The following RBMS3 variants were observed in gnomAD, a reference collection of about 807,000 sequenced individuals.
RBMS3 encodes RNA binding motif single stranded interacting protein 3.
In RBMS3, 27 loss-of-function variants were observed where a neutral mutation model predicts 66.8. That is an observed-to-expected ratio of 0.40 (90% CI 0.30 to 0.56). The LOEUF is 0.56. Among genes scored for constraint, RBMS3 ranks in the 20% least tolerant of loss-of-function variants. The probability of loss-of-function intolerance (pLI) is 0.40; values close to 1 mark genes in which losing one functional copy is unlikely to be tolerated. For synonymous variants in RBMS3, 188 were observed against 183.0 expected, an observed-to-expected ratio of 1.03 and a Z score of -0.22; for missense variants, 513 against 549.5, an observed-to-expected ratio of 0.93 and a Z score of 0.66.
intron 1 of RBMS3, among the ~76,000 whole-genome samples, chr3:29,360,708 T>C (rs546271276): frequency 3.9e-5 from 6 of 152,216 alleles, no homozygotes; most frequent in Non-Finnish European, 7.3e-5. Context: ...CTCTAAGGAC[T>C]TGCTTTATGA....
At chr3:30,003,816 C>G (rs1559882554) in intron 14 of RBMS3, 40 bp from the exon 15 acceptor site, 2 of 1,369,368 alleles carry the variant, frequency 1.5e-6, no homozygotes, top group Non-Finnish European at 1.9e-6. Flanking sequence ...TTCAAAGTTA[C>G]TTTAATTTAA....
rs1048377666 is a variant in RBMS3, at chr3:29,995,335, A to C, written c.1307+4126A>C. ...GGAGAATGGAACCAAGTTGGAAAAC[A>C]CTCTGCAGGATATTATCCAGGAGAA... On this transcript the variant is annotated intron_variant, in intron 14 of 14. Transcript: ENST00000383767. Among the ~76,000 whole-genome samples, 64 of 152,314 alleles carry C rather than the reference A, an allele frequency of 4.2e-4. No individual in the cohort carries two copies. In the South Asian group the frequency reaches 5.4e-3, roughly 13 times the overall value.
At position 29,699,789 on chromosome 3, in the gene RBMS3, G is replaced by A. The variant is rs991241654; in HGVS notation, c.400-39931G>A. ...TATTACATATAAGGGAAGATATACTGATTTGTACACTAAACCACAGTGCAC... is the reference window on the plus strand; with the variant it reads ...TATTACATATAAGGGAAGATATACTAATTTGTACACTAAACCACAGTGCAC... On this transcript the variant is annotated intron_variant, in intron 4 of 14. Coordinates refer to ENST00000383767, the MANE Select transcript of RBMS3 (RefSeq NM_001003793.3). Among the ~76,000 whole-genome samples the A allele has an allele frequency of 3.3e-5, 5 of 152,102 alleles. 1 individual carries two copies. In the South Asian group the frequency reaches 8.3e-4, roughly 25 times the overall value.
intron 3 of RBMS3, among the ~76,000 whole-genome samples, chr3:29,547,386 C>A (rs2149025084): frequency 6.6e-6 from 1 of 152,206 alleles, no homozygotes; most frequent in African/African-American, 2.4e-5. Context: ...TAGGTAGTAA[C>A]TTGCTTCTCA....
chr3:29,401,055 G>T (rs2039789792), intron 1 of RBMS3, among the ~76,000 whole-genome samples: 1 of 152,074 alleles, frequency 6.6e-6, no homozygotes, highest in African/African-American at 2.4e-5. Context: ...AATAATGTGT[G>T]GGAGGGAGAG....
intron 1 of RBMS3, among the ~76,000 whole-genome samples, chr3:29,407,102 A>G (rs972424674): frequency 1.5e-4 from 23 of 152,242 alleles, no homozygotes; most frequent in Non-Finnish European, 3.1e-4. Context: ...ATCAATGTAC[A>G]TTCCAATGCA....
chr3:29,973,222 CAG>C (rs1451430497), intron 12 of RBMS3, among the ~76,000 whole-genome samples: 1 of 151,816 alleles, frequency 6.6e-6, no homozygotes, highest in Non-Finnish European at 1.5e-5. Flanking sequence ...AAAAAGAAAA[CAG>C]AATGTTAAGG....
Position 29,385,017 on chromosome 3 carries a change from C to G in RBMS3, c.76-49726C>G, listed in dbSNP as rs182501147. Among the ~76,000 whole-genome samples the G allele has an allele frequency of 1.6e-4, 24 of 152,112 alleles. No individual in the cohort carries two copies. The East Asian group carries it at 4.6e-3, about 29-fold the overall frequency. ...TGTGTTGCCGAACAAACCTCCTCAT[C>G]TTTGACACCCTGTTTCCTGCCTGTT... On this transcript the variant is annotated intron_variant, in intron 1 of 14. Transcript: ENST00000383767.
intron 1 of RBMS3, among the ~76,000 whole-genome samples, chr3:29,314,050 A>G (rs1183538236): frequency 6.6e-6 from 1 of 151,412 alleles, no homozygotes. Context: ...ACTTTGCAGT[A>G]CTGTGGTGGT....
chr3:29,688,393 G>C (rs6805733), intron 4 of RBMS3, among the ~76,000 whole-genome samples: 87,943 of 151,562 alleles, frequency 0.58, 25,651 homozygotes, highest in African/African-American at 0.63. Flanking sequence ...ACAGGGGACA[G>C]TTTCTATCCA....
chr3:29,579,520 G>A (rs2047250062), intron 3 of RBMS3, among the ~76,000 whole-genome samples: 1 of 152,142 alleles, frequency 6.6e-6, no homozygotes, highest in African/African-American at 2.4e-5. Context: ...TCCTAAATTG[G>A]GGCTGGGGTT....
chr3:29,811,991 T>C (rs1261979922), intron 6 of RBMS3, among the ~76,000 whole-genome samples: 1 of 152,144 alleles, frequency 6.6e-6, no homozygotes, highest in Non-Finnish European at 1.5e-5. Context: ...TCAATCCCTG[T>C]GGAATTGAAA....
intron 10 of RBMS3, chr3:29,924,856 AAAAG>A (rs1212754802): frequency 4.6e-5 from 7 of 153,266 alleles, no homozygotes; most frequent in African/African-American, 7.2e-5. Flanking sequence ...GAAAAAAAAA[AAAAG>A]AGAGAGAGAG....
intron 3 of RBMS3, among the ~76,000 whole-genome samples, chr3:29,576,739 G>A (rs767069818): frequency 1.3e-5 from 2 of 152,152 alleles, no homozygotes; most frequent in African/African-American, 2.4e-5. Flanking sequence ...AGGCAGAGGA[G>A]CCTCTCCCTG....
chr3:29,940,716 T>G (rs1004710163), intron 11 of RBMS3, among the ~76,000 whole-genome samples: 1 of 151,576 alleles, frequency 6.6e-6, no homozygotes, highest in Non-Finnish European at 1.5e-5. Flanking sequence ...AAATGTTTAT[T>G]GTTCAATTCT....
At chr3:29,661,101 G>C (rs2050528093) in intron 4 of RBMS3, among the ~76,000 whole-genome samples, 1 of 152,202 alleles carries the variant, frequency 6.6e-6, no homozygotes, top group African/African-American at 2.4e-5. Flanking sequence ...TGGGGAATGG[G>C]TAGCTGCTAT....
rs145369541 is a variant in RBMS3 at position 29,672,801 on chromosome 3, C to T, written c.400-66919C>T. ...CATAAAGCAAGTCCTTAGAGACATA[C>T]AAAGAGGCTTAGACTCCCACACAAT... On this transcript the variant is annotated intron_variant, in intron 4 of 14. Coordinates refer to ENST00000383767, the MANE Select transcript of RBMS3 (RefSeq NM_001003793.3). Among the ~76,000 whole-genome samples, 952 of 152,258 alleles carry T rather than the reference C, an allele frequency of 6.3e-3. 16 individuals are homozygous for T. Among genetic ancestry groups the T allele is most frequent in the African/African-American group, 0.021 (878 of 41,562 alleles).
At chr3:29,595,885 A>T (rs1393920583) in intron 4 of RBMS3, among the ~76,000 whole-genome samples, 2 of 152,206 alleles carry the variant, frequency 1.3e-5, no homozygotes, top group African/African-American at 4.8e-5. Context: ...TTTACTTCTT[A>T]TGATACTAGG....
Position 30,003,878 on chromosome 3 carries a change from GT to G in RBMS3, c.*17del. 1 of 1,448,286 alleles carries G rather than the reference GT, an allele frequency of 6.9e-7. No homozygotes were observed. The highest frequency in any genetic ancestry group is 9.1e-7 in the Non-Finnish European group (1 of 1,094,068). 89.7% of individuals were successfully genotyped at this position (1,448,286 alleles called of 1,614,324 possible). A position where few individuals can be genotyped will look rare whatever the true frequency, so the allele number is the denominator to read the frequency against. On this transcript the variant is annotated 3_prime_UTR_variant, in exon 15 of 15. Coordinates refer to ENST00000383767, the MANE Select transcript of RBMS3 (RefSeq NM_001003793.3). Reference sequence around the variant, plus strand: ...CAGACCATAAACAGGACTGAAGAATGTCTGTCTGAATCTTTGCCTTGAATGA... The same window carrying G: ...CAGACCATAAACAGGACTGAAGAATGCTGTCTGAATCTTTGCCTTGAATGA...
Sources: gnomAD v4.1 joint callset for allele counts (sites outside exome capture counted in the v4.1 genomes callset) on GRCh38, gnomAD v4.1.1 for gene constraint, MANE v1.5 for transcripts, NCBI Gene and HGNC (gene_info 2026-07-23, HGNC 2026-07-21) for gene names.